Variants in PELI3 observed in about 807,000 individuals in gnomAD.
PELI3 encodes pellino E3 ubiquitin protein ligase family member 3, also known as E3 ubiquitin-protein ligase pellino homolog 3.
A neutral mutation model predicts 35.5 loss-of-function variants in PELI3; 19 were observed. The ratio of observed to expected loss-of-function variants is 0.54; its 90% CI spans 0.37 to 0.79. The LOEUF (loss-of-function observed/expected upper bound fraction) is 0.79. Ranked by LOEUF, PELI3 falls within the 30% of genes least tolerant of loss-of-function variation. PELI3 has a pLI of 0.00. For synonymous variants in PELI3, 262 were observed against 279.2 expected (o/e 0.94, Z 0.62); for missense variants, 490 against 661.2 (o/e 0.74, Z 2.84).
chr11:66,473,004 G>A lies in PELI3; in HGVS notation c.457-237G>A, dbSNP rs914635636. 6.6e-5 allele frequency among the ~76,000 whole-genome samples: 10 copies of A among 152,196 alleles called. No homozygotes were observed. Among genetic ancestry groups the A allele is most frequent in the African/African-American group, 2.4e-4 (10 of 41,448 alleles). On this transcript the variant is annotated intron_variant, in intron 5 of 7. Transcript: ENST00000320740. This position sits in a 1 kb window ranked among gnomAD's most constrained non-coding sequence, Gnocchi z 5.8. ...TATTTATTGAATGGGGCGATCCCTA[G>A]TGCTGTGGGGGCAACAGAGAAGGAG...
At chr11:66,466,379 C>T (rs1854522586), upstream of PELI3, 1 of 152,530 alleles carries the variant, frequency 6.6e-6, no homozygotes, top group South Asian at 2.1e-4. Context: ...GCCTCCACCG[C>T]TGCCGCACAC....
In PELI3 at chr11:66,476,339, C is replaced by G. The variant is rs1486651328; in HGVS notation, c.*172C>G. The G allele has an allele frequency of 1.4e-6, 1 of 692,378 alleles. No homozygotes were observed. Among genetic ancestry groups the G allele is most frequent in the African/African-American group, 1.8e-5 (1 of 55,574 alleles). The allele number at this position is 692,378 out of a possible 1,614,324, so 42.9% of individuals were successfully genotyped here. A position where few individuals can be genotyped will look rare whatever the true frequency, so the allele number is the denominator to read the frequency against. On this transcript the variant is annotated 3_prime_UTR_variant, in exon 8 of 8. Coordinates refer to ENST00000320740, the MANE Select transcript of PELI3 (RefSeq NM_145065.3). The stretch of plus-strand genomic sequence containing the variant: ...AACTGTGGCCCCCCAAGGAGGTCCC[C>G]AAGATCTCCACCCCAGTCATGCTGA...
rs1317371272 is a variant in PELI3 at position 66,467,035 on chromosome 11, C to T, written c.-2+8C>T. Reference sequence around the variant, plus strand: ...GGCCCGGAGCGTGGCCAGGTGAGGCCGCCGGGGCGGAGGGGGCGGGGGCTG... The same window carrying T: ...GGCCCGGAGCGTGGCCAGGTGAGGCTGCCGGGGCGGAGGGGGCGGGGGCTG... On this transcript the variant is annotated splice_region_variant and intron_variant, in intron 1 of 7. Coordinates refer to ENST00000320740, the MANE Select transcript of PELI3 (RefSeq NM_145065.3). The surrounding 1 kb of genome is among the most constrained non-coding windows in gnomAD (Gnocchi z 4.2). 1 of 147,748 alleles carries T rather than the reference C, an allele frequency of 6.8e-6. No homozygotes were observed. Among genetic ancestry groups the T allele is most frequent in the Non-Finnish European group, 1.5e-5 (1 of 66,392 alleles). The allele number at this position is 147,748 out of a possible 1,614,324, so 9.2% of individuals were successfully genotyped here. A position where few individuals can be genotyped will look rare whatever the true frequency, so the allele number is the denominator to read the frequency against.
Position 66,466,979 on chromosome 11 carries a change from G to A in PELI3, c.-50G>A, listed in dbSNP as rs1311691849. Reference sequence around the variant, plus strand: ...CCGCAGCGGCCCGGGGCCGAGCAGGGGCTAGGCGGGGAGGGAGCGGCGCCC... The same window carrying A: ...CCGCAGCGGCCCGGGGCCGAGCAGGAGCTAGGCGGGGAGGGAGCGGCGCCC... On this transcript the variant is annotated 5_prime_UTR_variant, in exon 1 of 8. Transcript: ENST00000320740. 3 of 150,528 alleles carry A rather than the reference G, an allele frequency of 2.0e-5. No homozygotes were observed. Among genetic ancestry groups the A allele is most frequent in the Non-Finnish European group, 4.4e-5 (3 of 67,468 alleles). The allele number at this position is 150,528 out of a possible 1,614,324, so 9.3% of individuals were successfully genotyped here. A position where few individuals can be genotyped will look rare whatever the true frequency, so the allele number is the denominator to read the frequency against.
At position 66,476,379 on chromosome 11, in the gene PELI3, C is replaced by T. The variant is rs1854921871; in HGVS notation, c.*212C>T. 1.7e-6 allele frequency: 1 copy of T among 605,674 alleles called. No homozygotes were observed. The highest frequency in any genetic ancestry group is 2.9e-6 in the Non-Finnish European group (1 of 345,298). The allele number at this position is 605,674 out of a possible 1,614,324, so 37.5% of individuals were successfully genotyped here. ...AGTCATGCTGATGGGGCCTTCAGCACCAGCTCTGTCCTGGGTCGATGGAGG... is the reference window on the plus strand; with the variant it reads ...AGTCATGCTGATGGGGCCTTCAGCATCAGCTCTGTCCTGGGTCGATGGAGG... On this transcript the variant is annotated 3_prime_UTR_variant, in exon 8 of 8. Transcript: ENST00000320740.
intron 3 of PELI3, 72 bp from the exon 4 acceptor site, chr11:66,471,170 A>AT: frequency 1.3e-6 from 2 of 1,514,794 alleles, no homozygotes; most frequent in Non-Finnish European, 1.8e-6. Flanking sequence ...TCCAAGTCTC[A>AT]TCAGGGGTTC....
chr11:66,466,519 G>A (rs921072711), upstream of PELI3: 3 of 152,282 alleles, frequency 2.0e-5, no homozygotes, highest in Admixed American at 6.5e-5. Flanking sequence ...AGCGCCGTGT[G>A]AGGGCCCTGA....
rs754870704 is a variant in PELI3, at chr11:66,475,663, G to A, written c.906G>A (p.Leu302=). The A allele has an allele frequency of 1.1e-5, 17 of 1,612,536 alleles. No homozygotes were observed. The highest frequency in any genetic ancestry group is 1.4e-5 in the Non-Finnish European group (16 of 1,179,930). Reference sequence around the variant, plus strand: ...TCGACCTGTGTGGGGCCACACTGCTGTGGCGCACACCGGCGGGGCTGCTGC... The same window carrying A: ...TCGACCTGTGTGGGGCCACACTGCTATGGCGCACACCGGCGGGGCTGCTGC... ...SLIDLCGATL[L]WRTPAGLLRA... Residue 302 remains leucine, a synonymous_variant, in exon 8 of 8, where the codon CTG becomes CTA. Transcript: ENST00000320740.
At chr11:66,468,996 A>T (rs1854627919) in intron 3 of PELI3, 92 bp downstream of exon 3, 1 of 603,316 alleles carries the variant, frequency 1.7e-6, no homozygotes, top group South Asian at 1.9e-5. Context: ...CACACTACAG[A>T]TGAGAAAGCC....
At position 66,468,872 on chromosome 11, in the gene PELI3, AG is replaced by A; in HGVS notation, c.196del (p.Glu66LysfsTer2). ...GAGGTGAGGAAACCGAGGCTCAGAG[AG>A]GGGAAGTGACTGGCCCAAGGGCACA... ...EGGEETEAQRGEVTGPRAHSC... is the reference protein window; with the variant it reads ...EGGEETEAQRXEVTGPRAHSC... On this transcript the variant is annotated frameshift_variant, in exon 3 of 8. Transcript: ENST00000320740. LOFTEE classifies it high-confidence loss of function. The A allele has an allele frequency of 1.3e-6, 1 of 778,878 alleles. No homozygotes were observed. Among genetic ancestry groups the A allele is most frequent in the Non-Finnish European group, 2.4e-6 (1 of 417,102 alleles). The allele number at this position is 778,878 out of a possible 1,614,324, so 48.2% of individuals were successfully genotyped here. A position where few individuals can be genotyped will look rare whatever the true frequency, so the allele number is the denominator to read the frequency against.
At chr11:66,468,345 G>A (rs886449839) in intron 2 of PELI3, 65 bp downstream of exon 2, 6 of 1,382,676 alleles carry the variant, frequency 4.3e-6, no homozygotes, top group Non-Finnish European at 5.7e-6. Context: ...CAGAACAAGG[G>A]CCCGACCCCT....
intron 7 of PELI3, 25 bp from the exon 8 acceptor site, chr11:66,475,573 A>G: frequency 6.2e-7 from 1 of 1,607,544 alleles, no homozygotes; most frequent in Non-Finnish European, 8.5e-7. Context: ...CTTGGGCAGT[A>G]AGGCCCTTCT....
chr11:66,474,228 T>TA (rs527581848), intron 7 of PELI3: 33 of 603,428 alleles, frequency 5.5e-5, no homozygotes, highest in South Asian at 3.4e-4. Context: ...GCTGGCAGCT[T>TA]AAAAAAAATC....
Position 66,473,196 on chromosome 11 carries a change from C to A in PELI3, c.457-45C>A, listed in dbSNP as rs771077709. The stretch of plus-strand genomic sequence containing the variant: ...TCTGGGAGGGAAGGCCCATGAGAGT[C>A]CCCTATGTACATACAGTCCCTGCTT... On this transcript the variant is annotated intron_variant, in intron 5 of 7. Coordinates refer to ENST00000320740, the MANE Select transcript of PELI3 (RefSeq NM_145065.3). This position sits in a 1 kb window ranked among gnomAD's most constrained non-coding sequence, Gnocchi z 5.8. The A allele has an allele frequency of 2.0e-6, 3 of 1,528,044 alleles. No individual in the cohort carries two copies. Among genetic ancestry groups the A allele is most frequent in the Non-Finnish European group, 1.8e-6 (2 of 1,126,344 alleles). 94.7% of individuals were successfully genotyped at this position (1,528,044 alleles called of 1,614,324 possible). A position where few individuals can be genotyped will look rare whatever the true frequency, so the allele number is the denominator to read the frequency against.
rs1854926620 is a variant in PELI3 at position 66,476,525 on chromosome 11, C to G, written c.*358C>G. The G allele has an allele frequency of 3.6e-6, 1 of 278,870 alleles. No homozygotes were observed. The highest frequency in any genetic ancestry group is 2.2e-5 in the African/African-American group (1 of 44,652). The allele number at this position is 278,870 out of a possible 1,614,324, so 17.3% of individuals were successfully genotyped here. A position where few individuals can be genotyped will look rare whatever the true frequency, so the allele number is the denominator to read the frequency against. ...TGACCCCCAGCTTAGGCTGGCTATG[C>G]CCTGAGCCTGCCAACCCAGTTTCAG... is the stretch of plus-strand genomic sequence containing the variant. On this transcript the variant is annotated 3_prime_UTR_variant, in exon 8 of 8. Coordinates refer to ENST00000320740, the MANE Select transcript of PELI3 (RefSeq NM_145065.3).
In PELI3 at chr11:66,473,887, T is replaced by C. The variant is rs368440199; in HGVS notation, c.802T>C (p.Leu268=). The C allele has an allele frequency of 2.2e-5, 35 of 1,613,434 alleles. No individual in the cohort carries two copies. The highest frequency in any genetic ancestry group is 3.0e-5 in the Non-Finnish European group (35 of 1,179,968). The change falls in exon 7 of 8, where the codon TTG becomes CTG. Residue 268 remains leucine, a synonymous_variant. Transcript: ENST00000320740. The surrounding 1 kb of genome is among the most constrained non-coding windows in gnomAD (Gnocchi z 5.8). The part of the protein sequence containing the change: ...EISVCGNVYT[L]RDSRSAQQRG... ...CTCGGTCTGTGGGAATGTGTACACA[T>C]TGCGGGACAGCCGCTCAGCCCAGCA...
rs749929251 is a variant in PELI3 at position 66,472,351 on chromosome 11, CTT to C, written c.355-13_355-12del. The C allele has an allele frequency of 6.2e-7, 1 of 1,609,010 alleles. No individual in the cohort carries two copies. Among genetic ancestry groups the C allele is most frequent in the Non-Finnish European group, 8.5e-7 (1 of 1,175,436 alleles). ...CATGGCTGCACACCCTGGCAAGTGA[CTT>C]TTTTCTCCCCACCAGGCACTGAGTA... On this transcript the variant is annotated splice_polypyrimidine_tract_variant and intron_variant, in intron 4 of 7. Coordinates refer to ENST00000320740, the MANE Select transcript of PELI3 (RefSeq NM_145065.3).
chr11:66,473,640 C>T lies in PELI3; in HGVS notation c.652-97C>T, dbSNP rs1854798393. On this transcript the variant is annotated intron_variant, in intron 6 of 7. Transcript: ENST00000320740. This position sits in a 1 kb window ranked among gnomAD's most constrained non-coding sequence, Gnocchi z 5.8. ...GCTTCAATGCCAGTCCTCTCTGGGC[C>T]GCCTCTGAACTTGAAGGTAGCGGGG... 4.7e-6 allele frequency: 7 copies of T among 1,500,570 alleles called. No individual in the cohort carries two copies. Among genetic ancestry groups the T allele is most frequent in the South Asian group, 2.4e-5 (2 of 83,830 alleles). 93.0% of individuals were successfully genotyped at this position (1,500,570 alleles called of 1,614,324 possible). A position where few individuals can be genotyped will look rare whatever the true frequency, so the allele number is the denominator to read the frequency against.
At position 66,473,384 on chromosome 11, in the gene PELI3, T is replaced by C. The variant is rs1469776533; in HGVS notation, c.600T>C (p.Thr200=). 6.8e-6 allele frequency: 11 copies of C among 1,613,632 alleles called. No homozygotes were observed. Among genetic ancestry groups the C allele is most frequent in the Non-Finnish European group, 9.3e-6 (11 of 1,179,970 alleles). ...TCTGTGACCGCCGGCCACCCTATAC[T>C]GCCCGCATCTATGCCGCTGGCTTCG... ...RILCDRRPPY[T]ARIYAAGFDA... The change falls in exon 6 of 8, where the codon ACT becomes ACC. Residue 200 remains threonine (T), a synonymous_variant. Coordinates refer to ENST00000320740, the MANE Select transcript of PELI3 (RefSeq NM_145065.3). The surrounding 1 kb of genome is among the most constrained non-coding windows in gnomAD (Gnocchi z 5.8).
Sources: allele counts gnomAD v4.1 joint callset (sites outside exome capture counted in the v4.1 genomes callset), GRCh38; gene constraint gnomAD v4.1.1; non-coding constraint Gnocchi (gnomAD v3.1); transcripts MANE v1.5; gene names NCBI Gene and HGNC (gene_info 2026-07-23, HGNC 2026-07-21).